SLC8A1: variants seen among roughly 807,000 people sequenced by gnomAD.
The protein encoded by SLC8A1 is solute carrier family 8 member A1, also known as sodium/calcium exchanger 1.
In SLC8A1, 18 loss-of-function variants were observed where a neutral mutation model predicts 68.3. The observed-to-expected ratio is 0.26, with a 90% confidence interval of 0.18 to 0.39. The LOEUF is 0.39. Among genes scored for constraint, SLC8A1 ranks in the 10% least tolerant of loss-of-function variants. The pLI is 1.00. For missense variants in SLC8A1, 985 were observed against 1,156.7 expected, an observed-to-expected ratio of 0.85 and a Z score of 2.15; for synonymous variants, 475 against 415.5, an observed-to-expected ratio of 1.14 and a Z score of -1.74.
chr2:40,378,233 T>C (rs1383349590), intron 2 of SLC8A1, among the ~76,000 whole-genome samples: 1 of 152,054 alleles, frequency 6.6e-6, no homozygotes, highest in Non-Finnish European at 1.5e-5. Flanking sequence ...TGGAAGGACA[T>C]GGGAGCTGCA....
At chr2:40,226,199 G>T (rs894097176) in intron 2 of SLC8A1, among the ~76,000 whole-genome samples, 2 of 152,088 alleles carry the variant, frequency 1.3e-5, no homozygotes, top group African/African-American at 4.8e-5. Flanking sequence ...AAGGGCAAAG[G>T]ATGGCAAATT....
rs1022338566 is a variant in SLC8A1 at position 40,415,729 on chromosome 2, G to T, written c.1808+12744C>A. On this transcript the variant is annotated intron_variant, in intron 2 of 7. Coordinates refer to ENST00000406785, the Ensembl canonical transcript of SLC8A1. Reference sequence around the variant, plus strand: ...CAACCAGGTGTGGCCTGTTATCCCAGCACTTTGGGAGGCCGAGGTGGGTGG... The same window carrying T: ...CAACCAGGTGTGGCCTGTTATCCCATCACTTTGGGAGGCCGAGGTGGGTGG... 3.3e-5 allele frequency among the ~76,000 whole-genome samples: 5 copies of T among 151,990 alleles called. No homozygotes were observed. In the East Asian group the frequency reaches 9.7e-4, roughly 29 times the overall value.
At chr2:40,405,854 G>A (rs1166082436) in intron 2 of SLC8A1, among the ~76,000 whole-genome samples, 1 of 152,160 alleles carries the variant, frequency 6.6e-6, no homozygotes, top group Non-Finnish European at 1.5e-5. Flanking sequence ...GCTTTGACCT[G>A]AAATCAGGTT....
At chr2:40,188,188 G>A (rs551647733) in intron 2 of SLC8A1, among the ~76,000 whole-genome samples, 50 of 152,250 alleles carry the variant, frequency 3.3e-4, no homozygotes, top group African/African-American at 1.0e-3. Context: ...TCTTGGCATC[G>A]TCAAACTTAT....
chr2:40,180,283 C>T (rs2049249981), intron 2 of SLC8A1, among the ~76,000 whole-genome samples: 1 of 151,982 alleles, frequency 6.6e-6, no homozygotes, highest in Non-Finnish European at 1.5e-5. Flanking sequence ...TTTAATTTTT[C>T]CCTAATATCC....
intron 1 of SLC8A1, among the ~76,000 whole-genome samples, chr2:40,504,001 T>C (rs1706206564): frequency 6.6e-6 from 1 of 151,920 alleles, no homozygotes. Flanking sequence ...TAGCTGAAGC[T>C]ATCCTAAGCA....
At chr2:40,434,121 T>G (rs1248277933) in intron 1 of SLC8A1, among the ~76,000 whole-genome samples, 1 of 152,108 alleles carries the variant, frequency 6.6e-6, no homozygotes, top group Non-Finnish European at 1.5e-5. Flanking sequence ...CATCCCACAA[T>G]ATGTTCTTAG....
chr2:40,340,672 A>G (rs952957169), intron 2 of SLC8A1, among the ~76,000 whole-genome samples: 3 of 152,210 alleles, frequency 2.0e-5, no homozygotes, highest in Non-Finnish European at 4.4e-5. Flanking sequence ...CTCTCTTATC[A>G]GAAGGAGAGC....
chr2:40,248,714 G>A (rs923692549), intron 2 of SLC8A1, among the ~76,000 whole-genome samples: 2 of 152,050 alleles, frequency 1.3e-5, no homozygotes, highest in Non-Finnish European at 2.9e-5. Context: ...GTGATCTATA[G>A]TATGGGCATA....
At chr2:40,146,877 G>A (rs2042571794) in intron 6 of SLC8A1, among the ~76,000 whole-genome samples, 1 of 152,152 alleles carries the variant, frequency 6.6e-6, no homozygotes, top group South Asian at 2.1e-4. Flanking sequence ...CGGGACTAGT[G>A]CTACTTCTTA....
intron 2 of SLC8A1, among the ~76,000 whole-genome samples, chr2:40,415,604 G>C (rs1416302300): frequency 6.6e-6 from 1 of 152,052 alleles, no homozygotes; most frequent in Non-Finnish European, 1.5e-5. Context: ...GATAGGATGT[G>C]GGTAGGTAAA....
intron 2 of SLC8A1, among the ~76,000 whole-genome samples, chr2:40,326,240 TTC>T (rs1168477308): frequency 1.3e-5 from 2 of 152,112 alleles, no homozygotes; most frequent in Non-Finnish European, 2.9e-5. Context: ...ACTCTCTGTT[TTC>T]TGTTTACCCC....
intron 2 of SLC8A1, among the ~76,000 whole-genome samples, chr2:40,227,959 A>G (rs1456186900): frequency 1.3e-5 from 2 of 152,206 alleles, no homozygotes; most frequent in African/African-American, 2.4e-5. Context: ...CATGTTTTAC[A>G]TACGTAAAAT....
At position 40,236,088 on chromosome 2, in the gene SLC8A1, T is replaced by C. The variant is rs186628340; in HGVS notation, c.1809-58233A>G. On this transcript the variant is annotated intron_variant, in intron 2 of 7. Transcript: ENST00000406785. ...AAATGTATATTCTGTTGATTTGGGG[T>C]GGACAGTTCTGTAGATGTCTATTAG... 5.4e-3 allele frequency among the ~76,000 whole-genome samples: 820 copies of C among 152,264 alleles called. 10 individuals carry two copies. The highest frequency in any genetic ancestry group is 0.019 in the African/African-American group (781 of 41,534).
chr2:40,454,594 GA>G (rs1217290741), upstream of SLC8A1, among the ~76,000 whole-genome samples: 1 of 151,470 alleles, frequency 6.6e-6, no homozygotes, highest in Non-Finnish European at 1.5e-5. Flanking sequence ...GGATTCTTGG[GA>G]AAAAAACAAT....
chr2:40,327,222 T>C (rs916010357), intron 2 of SLC8A1, among the ~76,000 whole-genome samples: 2 of 152,240 alleles, frequency 1.3e-5, no homozygotes, highest in South Asian at 4.1e-4. Flanking sequence ...TCTAATTTGA[T>C]AGTCTTCATA....
In SLC8A1 at chr2:40,115,390, G is replaced by T. The variant is rs142336728; in HGVS notation, c.2677C>A (p.Arg893=). 1.2e-4 allele frequency: 188 copies of T among 1,614,114 alleles called. No homozygotes were observed. In the African/African-American group the frequency reaches 2.3e-3, roughly 20 times the overall value. Reference sequence around the variant, plus strand: ...AGCTCACCTCCGATTTCTGGCCTCCGCCGATACAGCAGCACCCCCACATTG... The same window carrying T: ...AGCTCACCTCCGATTTCTGGCCTCCTCCGATACAGCAGCACCCCCACATTG... Residue 893 remains arginine, a synonymous_variant, in exon 8 of 8, where the codon CGG becomes AGG. Coordinates refer to ENST00000406785, the Ensembl canonical transcript of SLC8A1.
intron 2 of SLC8A1, among the ~76,000 whole-genome samples, chr2:40,338,438 T>C (rs1666701529): frequency 6.6e-6 from 1 of 152,148 alleles, no homozygotes; most frequent in South Asian, 2.1e-4. Context: ...GAATACCAGC[T>C]ATTCTGAGAA....
chr2:40,422,256 T>C (rs1249944624), intron 2 of SLC8A1, among the ~76,000 whole-genome samples: 1 of 152,184 alleles, frequency 6.6e-6, no homozygotes, highest in Non-Finnish European at 1.5e-5. Flanking sequence ...GACTAATCGA[T>C]GTTCTACCCC....
Sources: allele counts gnomAD v4.1 joint callset (sites outside exome capture counted in the v4.1 genomes callset), GRCh38; gene constraint gnomAD v4.1.1; transcripts MANE v1.5; gene names NCBI Gene and HGNC (gene_info 2026-07-23, HGNC 2026-07-21).